The following AKT3 variants were observed in gnomAD, a reference collection of about 807,000 sequenced individuals.
The protein encoded by AKT3 is RAC-gamma serine/threonine-protein kinase.
Under a neutral mutation model 65.3 loss-of-function variants are expected in AKT3, and 15 were observed. That is an observed-to-expected ratio of 0.23 (90% CI 0.15 to 0.35). The LOEUF is 0.35. Ranked by LOEUF, AKT3 falls within the 10% of genes least tolerant of loss-of-function variation. AKT3 has a pLI of 1.00. For missense variants in AKT3, 243 were observed against 576.5 expected (o/e 0.42, Z 5.92); for synonymous variants, 206 against 183.8 (o/e 1.12, Z -0.98).
chr1:243,735,753 G>C (rs1458970509), intron 2 of AKT3: 1 of 152,058 alleles, frequency 6.6e-6, no homozygotes, highest in East Asian at 1.9e-4. Context: ...ATCACCTGTG[G>C]GAAACAAATG....
At chr1:243,671,962 A>G (rs1276591965) in intron 3 of AKT3, among the ~76,000 whole-genome samples, 1 of 152,160 alleles carries the variant, frequency 6.6e-6, no homozygotes, top group East Asian at 1.9e-4. Flanking sequence ...AAGCCATAGG[A>G]ATGTCTGTTC....
intron 2 of AKT3, among the ~76,000 whole-genome samples, chr1:243,770,734 G>GAAA (rs5782267): frequency 7.9e-5 from 11 of 139,096 alleles, no homozygotes; most frequent in Non-Finnish European, 1.2e-4. Context: ...ATTCTAAATA[G>GAAA]AAAAAAAAAA....
intron 13 of AKT3, among the ~76,000 whole-genome samples, chr1:243,510,301 G>A (rs753901766): frequency 3.9e-5 from 6 of 152,160 alleles, no homozygotes; most frequent in Non-Finnish European, 7.3e-5. Context: ...TACGCACACT[G>A]TGCCAGGCAT....
chr1:243,535,329 C>T (rs977252870), intron 12 of AKT3, among the ~76,000 whole-genome samples: 4 of 151,718 alleles, frequency 2.6e-5, no homozygotes, highest in Non-Finnish European at 2.9e-5. Context: ...AAATAGTGTA[C>T]GTTGTACCCA....
intron 3 of AKT3, among the ~76,000 whole-genome samples, chr1:243,691,316 A>G (rs977839730): frequency 6.6e-6 from 1 of 152,202 alleles, no homozygotes; most frequent in African/African-American, 2.4e-5. Flanking sequence ...GCCAGATTGA[A>G]GAGATCTATG....
chr1:243,496,856 A>G (rs1244526127), downstream of AKT3, among the ~76,000 whole-genome samples: 1 of 152,216 alleles, frequency 6.6e-6, no homozygotes, highest in East Asian at 1.9e-4. Context: ...TTAAAATGAG[A>G]ACAAAGAAAA....
chr1:243,637,803 T>C lies in AKT3; in HGVS notation c.430-61A>G, dbSNP rs1275540061. On this transcript the variant is annotated intron_variant, in intron 5 of 13. Coordinates refer to ENST00000673466, the MANE Select transcript of AKT3 (RefSeq NM_005465.7). ...ATTTGATGCAATTTATTTGTTAGCA[T>C]ATATATATGTGTTTGCAATATCCAC... 15 of 1,236,630 alleles carry C rather than the reference T, an allele frequency of 1.2e-5. No homozygotes were observed. In the East Asian group the frequency reaches 1.8e-4, roughly 15 times the overall value. 76.6% of individuals were successfully genotyped at this position (1,236,630 alleles called of 1,614,324 possible).
chr1:243,654,109 A>G (rs1405689928), intron 4 of AKT3, among the ~76,000 whole-genome samples: 3 of 152,006 alleles, frequency 2.0e-5, no homozygotes, highest in Non-Finnish European at 2.9e-5. Context: ...TTCTCCTCCA[A>G]TTAGCCTGGT....
intron 2 of AKT3, among the ~76,000 whole-genome samples, chr1:243,767,941 G>A (rs998018462): frequency 4.0e-5 from 6 of 151,362 alleles, no homozygotes; most frequent in East Asian, 1.9e-4. Context: ...TAATGAAAAC[G>A]GTAAAATTTC....
chr1:243,771,836 C>G (rs1690205566), intron 2 of AKT3, among the ~76,000 whole-genome samples: 1 of 152,134 alleles, frequency 6.6e-6, no homozygotes, highest in African/African-American at 2.4e-5. Context: ...GGTACCAAAA[C>G]AGAGATACAG....
chr1:243,513,884 G>A (rs940747497), intron 12 of AKT3, among the ~76,000 whole-genome samples: 2 of 152,162 alleles, frequency 1.3e-5, no homozygotes, highest in Admixed American at 6.5e-5. Context: ...CTGGACATGA[G>A]CAAGCAGGTC....
chr1:243,490,667 A>T (rs1558544749), intron 13 of AKT3, among the ~76,000 whole-genome samples: 2 of 152,182 alleles, frequency 1.3e-5, no homozygotes, highest in Admixed American at 6.5e-5. Flanking sequence ...GGGATGCCCC[A>T]CGGGCCCTTG....
chr1:243,690,106 T>C (rs1013253923), intron 3 of AKT3, among the ~76,000 whole-genome samples: 9 of 152,120 alleles, frequency 5.9e-5, no homozygotes, highest in African/African-American at 1.9e-4. Context: ...ATTTGCAGCA[T>C]AGAATAAGGT....
At chr1:243,652,490 A>T (rs1681429447) in intron 4 of AKT3, among the ~76,000 whole-genome samples, 1 of 152,118 alleles carries the variant, frequency 6.6e-6, no homozygotes, top group African/African-American at 2.4e-5. Context: ...GCCACTGCAA[A>T]AACATGCTAA....
chr1:243,849,157 C>G (rs988466419), intron 1 of AKT3, among the ~76,000 whole-genome samples: 1 of 152,212 alleles, frequency 6.6e-6, no homozygotes, highest in Non-Finnish European at 1.5e-5. Flanking sequence ...GCCCCACCGG[C>G]ATCATGGCTG....
intron 5 of AKT3, among the ~76,000 whole-genome samples, chr1:243,639,782 C>T (rs1680237182): frequency 6.6e-6 from 1 of 152,198 alleles, no homozygotes; most frequent in Non-Finnish European, 1.5e-5. Flanking sequence ...ATCAGGGCTG[C>T]TCTGCCTATG....
At chr1:243,499,398 A>C (rs1668935578), downstream of AKT3, among the ~76,000 whole-genome samples, 1 of 152,244 alleles carries the variant, frequency 6.6e-6, no homozygotes, top group Non-Finnish European at 1.5e-5. Flanking sequence ...AAGGTCAGAT[A>C]AATTTTCAGT....
chr1:243,759,324 A>AAAAAT (rs1421147752), intron 2 of AKT3, among the ~76,000 whole-genome samples: 8 of 102,312 alleles, frequency 7.8e-5, no homozygotes, highest in African/African-American at 2.0e-4. Flanking sequence ...TGTCTCACCA[A>AAAAAT]AAAATAAAAT....
At chr1:243,804,439 A>C (rs1373365765) in intron 2 of AKT3, among the ~76,000 whole-genome samples, 1 of 152,234 alleles carries the variant, frequency 6.6e-6, no homozygotes, top group African/African-American at 2.4e-5. Context: ...GATATTTTGA[A>C]GTATATACAC....
Sources: allele counts gnomAD v4.1 joint callset (sites outside exome capture counted in the v4.1 genomes callset), GRCh38; gene constraint gnomAD v4.1.1; transcripts MANE v1.5; gene names NCBI Gene and HGNC (gene_info 2026-07-23, HGNC 2026-07-21).